The following P4HA1 variants were observed in gnomAD, a reference collection of about 807,000 sequenced individuals.
P4HA1 encodes the protein prolyl 4-hydroxylase subunit alpha 1, also known as prolyl 4-hydroxylase subunit alpha-1.
P4HA1 carries 24 observed loss-of-function variants against 72.8 expected under a neutral mutation model. The observed-to-expected ratio is 0.33, with a 90% CI of 0.24 to 0.46. The LOEUF (loss-of-function observed/expected upper bound fraction) is 0.46. Among genes scored for constraint, P4HA1 ranks in the 20% least tolerant of loss-of-function variants. The probability of loss-of-function intolerance (pLI) is 1.00; values close to 1 mark genes in which losing one functional copy is unlikely to be tolerated. For missense variants in P4HA1, 446 were observed against 640.6 expected, an observed-to-expected ratio of 0.70 and a Z score of 3.28; for synonymous variants, 201 against 218.8, an observed-to-expected ratio of 0.92 and a Z score of 0.72.
chr10:73,013,771 T>C (rs1157680022), intron 12 of P4HA1, among the ~76,000 whole-genome samples: 1 of 152,174 alleles, frequency 6.6e-6, no homozygotes, highest in Non-Finnish European at 1.5e-5. Flanking sequence ...TTCTTCATCT[T>C]AGTACTGAAT....
chr10:73,032,423 T>C (rs1840452581), intron 9 of P4HA1, among the ~76,000 whole-genome samples: 1 of 152,228 alleles, frequency 6.6e-6, no homozygotes, highest in Non-Finnish European at 1.5e-5. Context: ...TTTGTTCCTT[T>C]GGTAACATTT....
At chr10:73,078,605 T>G (rs1841754976) in intron 1 of P4HA1, among the ~76,000 whole-genome samples, 1 of 135,808 alleles carries the variant, frequency 7.4e-6, no homozygotes, top group Non-Finnish European at 1.6e-5. Flanking sequence ...AGGTAATTTT[T>G]TTTTTTTTTT....
chr10:73,083,615 T>C (rs948327976), intron 1 of P4HA1, among the ~76,000 whole-genome samples: 3 of 152,180 alleles, frequency 2.0e-5, no homozygotes, highest in African/African-American at 7.2e-5. Flanking sequence ...CTCCACCCCT[T>C]TTCTCTTTCT....
intron 1 of P4HA1, among the ~76,000 whole-genome samples, chr10:73,094,569 T>C (rs186775496): frequency 1.3e-5 from 2 of 152,342 alleles, no homozygotes; most frequent in Admixed American, 1.3e-4. Flanking sequence ...ATATCCTAGT[T>C]GATAACTGGT....
At chr10:73,009,971 CTTTTT>C in intron 13 of P4HA1, 68 bp from the exon 14 acceptor site, 10 of 653,246 alleles carry the variant, frequency 1.5e-5, no homozygotes, top group South Asian at 5.5e-5. Flanking sequence ...GTAGTTATTA[CTTTTT>C]TTTTTTTTTT....
intron 10 of P4HA1, among the ~76,000 whole-genome samples, chr10:73,022,242 G>A (rs1022504123): frequency 6.6e-6 from 1 of 152,188 alleles, no homozygotes; most frequent in Admixed American, 6.5e-5. Flanking sequence ...CCCAGTAGGG[G>A]CCGACAGACA....
At chr10:73,068,760 A>G in intron 5 of P4HA1, 86 bp downstream of exon 5, 1 of 1,079,804 alleles carries the variant, frequency 9.3e-7, no homozygotes, top group East Asian at 2.4e-5. Flanking sequence ...TTAAAATGCA[A>G]GTCTTTTTTA....
chr10:73,038,622 C>CTTTTTT (rs745518781), intron 9 of P4HA1, among the ~76,000 whole-genome samples: 13 of 108,820 alleles, frequency 1.2e-4, no homozygotes, highest in African/African-American at 2.0e-4. Flanking sequence ...TTTTTATTTG[C>CTTTTTT]TTTTTTTTTT....
chr10:73,042,639 T>C (rs1840763878), intron 9 of P4HA1, among the ~76,000 whole-genome samples: 1 of 150,882 alleles, frequency 6.6e-6, no homozygotes, highest in Admixed American at 6.6e-5. Flanking sequence ...TACTTGGACA[T>C]TTTACATCTT....
chr10:73,032,000 G>A (rs1406913167), intron 9 of P4HA1, among the ~76,000 whole-genome samples: 6 of 152,004 alleles, frequency 3.9e-5, no homozygotes, highest in South Asian at 4.1e-4. Context: ...TTATCTAAGC[G>A]TATATCTCTG....
At chr10:73,037,551 ATATATATATATATATATATATTTT>A (rs1370851112) in intron 9 of P4HA1, among the ~76,000 whole-genome samples, 2 of 30,596 alleles carry the variant, frequency 6.5e-5, no homozygotes, top group African/African-American at 2.6e-4. Context: ...ATATATATAT[ATATATATATATATATATATATTTT>A]TTTTTTTTTT....
At chr10:73,013,435 T>C (rs931411720) in intron 12 of P4HA1, among the ~76,000 whole-genome samples, 1 of 152,242 alleles carries the variant, frequency 6.6e-6, no homozygotes. Context: ...TTAGGCATTC[T>C]GGCTGACAGC....
intron 1 of P4HA1, among the ~76,000 whole-genome samples, chr10:73,078,046 T>C (rs1352054516): frequency 4.3e-5 from 4 of 92,588 alleles, no homozygotes; most frequent in African/African-American, 1.7e-4. Context: ...GGAATCTGAA[T>C]ACACAAAATA....
intron 13 of P4HA1, 117 bp from the exon 14 acceptor site, chr10:73,010,020 G>A (rs1452808771): frequency 5.0e-6 from 3 of 598,408 alleles, no homozygotes; most frequent in East Asian, 2.9e-5. Flanking sequence ...CCAGGCTGGA[G>A]TGCAATGGCA....
At chr10:73,035,262 T>TC (rs1195884113) in intron 9 of P4HA1, among the ~76,000 whole-genome samples, 4 of 151,542 alleles carry the variant, frequency 2.6e-5, no homozygotes, top group Non-Finnish European at 5.9e-5. Flanking sequence ...TCTAATAACC[T>TC]CCCAGCACTT....
chr10:73,063,775 T>C (rs1841363036), intron 5 of P4HA1, among the ~76,000 whole-genome samples: 1 of 152,232 alleles, frequency 6.6e-6, no homozygotes, highest in African/African-American at 2.4e-5. Flanking sequence ...TTTTTAGCTA[T>C]TCTGCTTTGG....
At chr10:73,048,068 A>G (rs1840917536) in intron 7 of P4HA1, among the ~76,000 whole-genome samples, 2 of 152,064 alleles carry the variant, frequency 1.3e-5, no homozygotes, top group African/African-American at 2.4e-5. Flanking sequence ...ACAAAACAAA[A>G]CAAAAACAAG....
At chr10:73,043,516 C>T (rs929567687) in intron 9 of P4HA1, among the ~76,000 whole-genome samples, 4 of 152,182 alleles carry the variant, frequency 2.6e-5, no homozygotes, top group African/African-American at 9.7e-5. Flanking sequence ...CTTACTTACG[C>T]AATACCTGCA....
intron 7 of P4HA1, 39 bp from the exon 8 acceptor site, chr10:73,047,140 T>C (rs1203270004): frequency 1.5e-6 from 2 of 1,348,710 alleles, no homozygotes; most frequent in Non-Finnish European, 2.1e-6. Flanking sequence ...TATATTACAG[T>C]AATAATACTT....
Sources: allele counts gnomAD v4.1 joint callset (sites outside exome capture counted in the v4.1 genomes callset), GRCh38; gene constraint gnomAD v4.1.1; transcripts MANE v1.5; gene names NCBI Gene and HGNC (gene_info 2026-07-23, HGNC 2026-07-21).